The following ADAM22 variants were observed in gnomAD, a reference collection of about 807,000 sequenced individuals.
ADAM22 encodes ADAM metallopeptidase domain 22.
A neutral mutation model predicts 144.6 loss-of-function variants in ADAM22; 65 were observed. The ratio of observed to expected loss-of-function variants is 0.45; its 90% confidence interval spans 0.37 to 0.55. ADAM22 has a LOEUF of 0.55. Among genes scored for constraint, ADAM22 ranks in the 20% least tolerant of loss-of-function variants. The pLI is 0.00. For synonymous variants in ADAM22, 391 were observed against 412.6 expected (o/e 0.95, Z 0.63); for missense variants, 974 against 1,184.9 (o/e 0.82, Z 2.61).
intron 3 of ADAM22, 36 bp downstream of exon 3, chr7:87,978,448 A>G (rs752261175): frequency 1.9e-6 from 3 of 1,563,564 alleles, no homozygotes; most frequent in Middle Eastern, 1.7e-4. Context: ...TGTCAGATAC[A>G]CATTGAATCC....
chr7:88,041,946 A>T lies in ADAM22; in HGVS notation c.324-33680A>T, dbSNP rs570075100. 1.1e-3 allele frequency among the ~76,000 whole-genome samples: 162 copies of T among 152,180 alleles called. 1 individual carries two copies. The highest frequency in any genetic ancestry group is 3.7e-3 in the African/African-American group (153 of 41,564). ...TAGATTTCTTATTTGAATAGAGAGA[A>T]AAGTGTTTTTCTCTGGTTTCTTAAA... On this transcript the variant is annotated intron_variant, in intron 3 of 31. Transcript: ENST00000413139.
chr7:87,967,228 G>A (rs1213453429), intron 2 of ADAM22, among the ~76,000 whole-genome samples: 1 of 152,120 alleles, frequency 6.6e-6, no homozygotes, highest in Non-Finnish European at 1.5e-5. Context: ...CATGAGAACA[G>A]ACTAATACAA....
At chr7:88,111,202 G>C (rs144013450) in intron 5 of ADAM22, among the ~76,000 whole-genome samples, 1 of 151,898 alleles carries the variant, frequency 6.6e-6, no homozygotes, top group East Asian at 1.9e-4. Context: ...TCATCTTGTT[G>C]TTTAGTAATT....
intron 3 of ADAM22, among the ~76,000 whole-genome samples, chr7:87,981,853 AATG>A (rs146862041): frequency 0.027 from 3,781 of 138,954 alleles, 74 homozygotes; most frequent in Middle Eastern, 0.05. Context: ...ATTATAATTA[AATG>A]ATGATGTTAT....
At chr7:88,142,168 C>T (rs1011222866) in intron 14 of ADAM22, among the ~76,000 whole-genome samples, 1 of 152,096 alleles carries the variant, frequency 6.6e-6, no homozygotes, top group Non-Finnish European at 1.5e-5. Flanking sequence ...GCATTTTCTA[C>T]AAAGAAGTAC....
At chr7:88,001,712 G>T (rs1792610847) in intron 3 of ADAM22, among the ~76,000 whole-genome samples, 1 of 151,882 alleles carries the variant, frequency 6.6e-6, no homozygotes, top group Non-Finnish European at 1.5e-5. Flanking sequence ...TCATAACTTT[G>T]TTTTTAGGAT....
intron 4 of ADAM22, among the ~76,000 whole-genome samples, chr7:88,081,387 C>G (rs1816575430): frequency 6.6e-6 from 1 of 152,182 alleles, no homozygotes; most frequent in Non-Finnish European, 1.5e-5. Flanking sequence ...CAATATCATA[C>G]TGAATGGGCA....
At chr7:88,175,889 C>G (rs1845524736) in intron 26 of ADAM22, among the ~76,000 whole-genome samples, 1 of 152,084 alleles carries the variant, frequency 6.6e-6, no homozygotes. Context: ...GAAGAATTAG[C>G]TTTGTTATGA....
chr7:88,176,464 T>G (rs945227295), intron 26 of ADAM22, among the ~76,000 whole-genome samples: 2 of 152,322 alleles, frequency 1.3e-5, no homozygotes, highest in Admixed American at 6.5e-5. Flanking sequence ...ACCCACAGTT[T>G]ATGATGTATT....
chr7:88,014,664 A>G (rs1796162688), intron 3 of ADAM22, among the ~76,000 whole-genome samples: 2 of 152,178 alleles, frequency 1.3e-5, no homozygotes, highest in Admixed American at 1.3e-4. Context: ...GTAAAAAAGA[A>G]AAAAAAGTTA....
intron 29 of ADAM22, chr7:88,186,042 A>C (rs1258017231): frequency 6.5e-6 from 1 of 154,276 alleles, no homozygotes; most frequent in Non-Finnish European, 1.4e-5. Context: ...GTGGGACCCT[A>C]TCTGCTCCTT....
At chr7:88,074,161 T>G (rs1753085291) in intron 3 of ADAM22, among the ~76,000 whole-genome samples, 1 of 152,128 alleles carries the variant, frequency 6.6e-6, no homozygotes, top group South Asian at 2.1e-4. Context: ...ATCAATTGTG[T>G]CGAAGCTGAA....
intron 3 of ADAM22, among the ~76,000 whole-genome samples, chr7:88,056,248 C>A (rs531028967): frequency 2.0e-5 from 3 of 152,134 alleles, no homozygotes; most frequent in African/African-American, 7.2e-5. Flanking sequence ...TTAAAATATT[C>A]CCCACAGATG....
At chr7:88,087,417 ACAC>A (rs1818720394) in intron 4 of ADAM22, among the ~76,000 whole-genome samples, 1 of 152,114 alleles carries the variant, frequency 6.6e-6, no homozygotes, top group African/African-American at 2.4e-5. Context: ...ATGGTAAAAG[ACAC>A]ACTCCAGGCC....
Position 87,984,526 on chromosome 7 carries a change from T to C in ADAM22, c.323+6114T>C, listed in dbSNP as rs186742461. On this transcript the variant is annotated intron_variant, in intron 3 of 31. Transcript: ENST00000413139. ...AGGCCAACTTTGAGAAATTATAGTTTTGCAAGGAATTGTCCACACCATGGG... is the reference window on the plus strand; with the variant it reads ...AGGCCAACTTTGAGAAATTATAGTTCTGCAAGGAATTGTCCACACCATGGG... Among the ~76,000 whole-genome samples, 243 of 152,330 alleles carry C rather than the reference T, an allele frequency of 1.6e-3. 1 individual carries two copies. The highest frequency in any genetic ancestry group is 3.4e-3 in the Middle Eastern group (1 of 294).
At chr7:88,037,798 G>T (rs1207194519) in intron 3 of ADAM22, among the ~76,000 whole-genome samples, 1 of 151,938 alleles carries the variant, frequency 6.6e-6, no homozygotes, top group Non-Finnish European at 1.5e-5. Flanking sequence ...TCTCTCCTGG[G>T]AGTTTTTCAT....
intron 3 of ADAM22, among the ~76,000 whole-genome samples, chr7:88,043,574 G>T (rs1046725275): frequency 5.3e-5 from 8 of 151,852 alleles, no homozygotes; most frequent in Non-Finnish European, 1.2e-4. Context: ...CAGTCTCAGT[G>T]GCATGCGCAT....
At chr7:88,183,507 A>G (rs1305520258) in intron 29 of ADAM22, among the ~76,000 whole-genome samples, 4 of 152,152 alleles carry the variant, frequency 2.6e-5, no homozygotes, top group Non-Finnish European at 5.9e-5. Flanking sequence ...ATATTCATAC[A>G]GTGTTTTCTA....
At chr7:88,141,559 C>T (rs946919366) in intron 14 of ADAM22, among the ~76,000 whole-genome samples, 1 of 151,730 alleles carries the variant, frequency 6.6e-6, no homozygotes, top group Non-Finnish European at 1.5e-5. Flanking sequence ...TATCAAAGCT[C>T]AATGTAAAAC....
Sources: allele counts gnomAD v4.1 joint callset (sites outside exome capture counted in the v4.1 genomes callset), GRCh38; gene constraint gnomAD v4.1.1; transcripts MANE v1.5; gene names NCBI Gene and HGNC (gene_info 2026-07-23, HGNC 2026-07-21).